Variants in WASHC2C observed in about 807,000 individuals in gnomAD.
WASHC2C encodes WASH complex subunit 2C, also known as Vaccinia Penetration Factor.
Under a neutral mutation model 142.2 loss-of-function variants are expected in WASHC2C, and 73 were observed. The ratio of observed to expected loss-of-function variants is 0.51; its 90% CI spans 0.43 to 0.62. WASHC2C has a LOEUF of 0.62. Among genes scored for constraint, WASHC2C ranks in the 20% least tolerant of loss-of-function variants. The probability of loss-of-function intolerance (pLI) is 0.00; values close to 1 mark genes in which losing one functional copy is unlikely to be tolerated. For missense variants in WASHC2C, 969 were observed against 1,531.7 expected, an observed-to-expected ratio of 0.63 and a Z score of 6.13; for synonymous variants, 337 against 565.5, an observed-to-expected ratio of 0.60 and a Z score of 5.73.
chr10:45,768,957 A>G (rs1437136468), intron 19 of WASHC2C, among the ~76,000 whole-genome samples: 1 of 152,066 alleles, frequency 6.6e-6, no homozygotes, highest in Non-Finnish European at 1.5e-5. Flanking sequence ...GTGAGGTCAG[A>G]GAGCCCAGCT....
Position 45,771,470 on chromosome 10 carries a change from C to A in WASHC2C, c.2040-1786C>A, listed in dbSNP as rs1178635050. 4 of 984,856 alleles carry A rather than the reference C, an allele frequency of 4.1e-6. No individual in the cohort carries two copies. In the African/African-American group the frequency reaches 7.0e-5, roughly 17 times the overall value. The allele number at this position is 984,856 out of a possible 1,614,324, so 61.0% of individuals were successfully genotyped here. A position where few individuals can be genotyped will look rare whatever the true frequency, so the allele number is the denominator to read the frequency against. On this transcript the variant is annotated intron_variant, in intron 20 of 30. Transcript: ENST00000623400. ...TGGCTCCACCTTCATACCCCAACAC[C>A]CTCAGCTGAGCATTTTCTGCACTGT...
Position 45,772,971 on chromosome 10 carries a change from G to A in WASHC2C, c.2040-285G>A, listed in dbSNP as rs537134164. ...TTCTGCTTGGGAAGGCTCAGGCATCGTGTGCCTTGCAGCGGTAACAGCTGA... is the reference window on the plus strand; with the variant it reads ...TTCTGCTTGGGAAGGCTCAGGCATCATGTGCCTTGCAGCGGTAACAGCTGA... On this transcript the variant is annotated intron_variant, in intron 20 of 30. Coordinates refer to ENST00000623400, the MANE Select transcript of WASHC2C (RefSeq NM_001330074.2). Among the ~76,000 whole-genome samples, 22 of 150,942 alleles carry A rather than the reference G, an allele frequency of 1.5e-4. No homozygotes were observed. In the East Asian group the frequency reaches 3.7e-3, roughly 26 times the overall value.
intron 16 of WASHC2C, among the ~76,000 whole-genome samples, chr10:45,758,737 A>G (rs2054654289): frequency 6.6e-6 from 1 of 151,094 alleles, no homozygotes; most frequent in Non-Finnish European, 1.5e-5. Context: ...CCTACCAAGT[A>G]GCTGGGACTA....
intron 7 of WASHC2C, among the ~76,000 whole-genome samples, chr10:45,745,630 C>T (rs1401428793): frequency 2.6e-5 from 4 of 151,424 alleles, no homozygotes; most frequent in South Asian, 2.1e-4. Context: ...AAGTAACTTT[C>T]GTATAACAAA....
intron 26 of WASHC2C, 148 bp downstream of exon 26, chr10:45,785,779 C>G (rs1357830913): frequency 4.3e-6 from 6 of 1,390,864 alleles, no homozygotes; most frequent in South Asian, 1.3e-5. Flanking sequence ...CTGCACTTCC[C>G]CCGAGTCATC....
At chr10:45,786,437 T>C in intron 26 of WASHC2C, 175 bp from the exon 27 acceptor site, 9 of 805,168 alleles carry the variant, frequency 1.1e-5, no homozygotes, top group Non-Finnish European at 4.2e-6. Context: ...GGAGGAGGCA[T>C]ACGTGAAGTA....
chr10:45,777,339 C>T lies in WASHC2C; in HGVS notation c.2209C>T (p.Leu737Phe), dbSNP rs1480426255. 1.0e-5 allele frequency: 16 copies of T among 1,606,800 alleles called. No homozygotes were observed. Among genetic ancestry groups the T allele is most frequent in the African/African-American group, 1.4e-5 (1 of 73,132 alleles). ...FSDEEEKEAQ[L>F]GVKSVDKKVE... ...CGATGAAGAAGAGAAGGAGGCACAA[C>T]TTGGAGTGAAGTCTGTGGATAAGAA... The change falls in exon 22 of 31, where the codon CTT becomes TTT. Residue 737 changes from leucine (L) to phenylalanine (F), a missense_variant. Coordinates refer to ENST00000623400, the MANE Select transcript of WASHC2C (RefSeq NM_001330074.2).
At chr10:45,765,549 G>GT (rs1179407114) in intron 18 of WASHC2C, 130 bp from the exon 19 acceptor site, 19 of 1,381,186 alleles carry the variant, frequency 1.4e-5, no homozygotes, top group African/African-American at 1.0e-4. Flanking sequence ...GCATTTTGCG[G>GT]TTTTTCCCCG....
chr10:45,773,892 CAAA>C (rs71023148), intron 21 of WASHC2C, among the ~76,000 whole-genome samples: 6 of 31,094 alleles, frequency 1.9e-4, no homozygotes, highest in African/African-American at 5.3e-4. Flanking sequence ...TACTGCAGGC[CAAA>C]AAAAAAAAAA....
chr10:45,765,046 A>G (rs2055624293), intron 18 of WASHC2C, among the ~76,000 whole-genome samples: 1 of 151,992 alleles, frequency 6.6e-6, no homozygotes, highest in Non-Finnish European at 1.5e-5. Flanking sequence ...AAGCACCTTA[A>G]TAAATATAAC....
rs146422183 is a variant in WASHC2C, at chr10:45,752,122, C to G, written c.1004-466C>G. ...CCTAGAATTCTTAGAAGTATAGAAA[C>G]TTAGGAATCTCAAGCATTTGTTTTC... On this transcript the variant is annotated intron_variant, in intron 11 of 30. Coordinates refer to ENST00000623400, the MANE Select transcript of WASHC2C (RefSeq NM_001330074.2). 4.6e-3 allele frequency among the ~76,000 whole-genome samples: 708 copies of G among 152,302 alleles called. 3 individuals carry two copies. Among genetic ancestry groups the G allele is most frequent in the African/African-American group, 0.014 (591 of 41,560 alleles).
upstream of WASHC2C, chr10:45,727,173 G>T: frequency 6.9e-7 from 1 of 1,451,770 alleles, no homozygotes; most frequent in South Asian, 1.4e-5. Context: ...TCGCAGGTCG[G>T]ATCACGTGCG....
upstream of WASHC2C, chr10:45,727,116 C>G (rs1435926734): frequency 7.1e-7 from 1 of 1,410,644 alleles, no homozygotes; most frequent in South Asian, 1.5e-5. Flanking sequence ...AGGGTAGAAC[C>G]CCAAACTCCA....
chr10:45,745,716 G>T, intron 7 of WASHC2C, among the ~76,000 whole-genome samples: 1 of 151,970 alleles, frequency 6.6e-6, no homozygotes, highest in Non-Finnish European at 1.5e-5. Context: ...ATCAATAGTT[G>T]CTCGTAGCAA....
intron 15 of WASHC2C, among the ~76,000 whole-genome samples, chr10:45,756,648 T>C (rs1554877348): frequency 6.6e-6 from 1 of 152,186 alleles, no homozygotes; most frequent in Non-Finnish European, 1.5e-5. Context: ...GAGCCAAGCC[T>C]TCATTTCTCA....
intron 1 of WASHC2C, 31 bp from the exon 2 acceptor site, chr10:45,727,386 T>C (rs569448557): frequency 9.9e-6 from 16 of 1,609,800 alleles, no homozygotes; most frequent in Non-Finnish European, 1.4e-5. Context: ...GCCCTCAGGC[T>C]CAGCCTCTCT....
At chr10:45,776,240 C>A (rs1364786588) in intron 21 of WASHC2C, among the ~76,000 whole-genome samples, 1 of 152,218 alleles carries the variant, frequency 6.6e-6, no homozygotes, top group African/African-American at 2.4e-5. Context: ...GCCTTCCTAA[C>A]TTGATTTAGG....
chr10:45,740,683 T>C (rs1686975607), intron 5 of WASHC2C, among the ~76,000 whole-genome samples: 1 of 152,280 alleles, frequency 6.6e-6, no homozygotes, highest in African/African-American at 2.4e-5. Context: ...TAAGGAAGAC[T>C]GCAGAAGAAC....
At chr10:45,763,282 A>T (rs2055368108) in intron 17 of WASHC2C, 106 bp from the exon 18 acceptor site, 1 of 585,608 alleles carries the variant, frequency 1.7e-6, no homozygotes, top group Non-Finnish European at 3.1e-6. Flanking sequence ...AAAGAAGCCT[A>T]GACACATGGC....
Sources: gnomAD v4.1 joint callset for allele counts (sites outside exome capture counted in the v4.1 genomes callset) on GRCh38, gnomAD v4.1.1 for gene constraint, MANE v1.5 for transcripts, NCBI Gene and HGNC (gene_info 2026-07-23, HGNC 2026-07-21) for gene names.